Variants in SPIRE2 observed in about 807,000 individuals in gnomAD.
SPIRE2 encodes spire type actin nucleation factor 2, also known as protein spire homolog 2.
A neutral mutation model predicts 80.7 loss-of-function variants in SPIRE2; 76 were observed. The observed-to-expected ratio is 0.94, with a 90% confidence interval of 0.78 to 1.14. The LOEUF (loss-of-function observed/expected upper bound fraction) is 1.14. Ranked by LOEUF, SPIRE2 falls within the 50% of genes most tolerant of loss-of-function variation. The pLI is 0.00. For missense variants in SPIRE2, 1,196 were observed against 1,015.3 expected (o/e 1.18, Z -2.42); for synonymous variants, 535 against 432.6 (o/e 1.24, Z -2.94).
intron 5 of SPIRE2, 40 bp downstream of exon 5, chr16:89,854,691 G>C (rs552321809): frequency 6.3e-7 from 1 of 1,596,168 alleles, no homozygotes; most frequent in Non-Finnish European, 8.5e-7. Flanking sequence ...TGGATGCAGA[G>C]GTCGTGGTGA....
chr16:89,845,355 C>G lies in SPIRE2; in HGVS notation c.278C>G (p.Ser93Trp). ...ACCATGGTCGTGCCACTAGCCAGCT[C>G]GGAAGCCCAGGTACTTTTTAAAAAA... ...PATMVVPLAS[S>W]EAQTVQSLGF... Residue 93 changes from serine to tryptophan, a missense_variant, in exon 2 of 15, where the codon TCG (serine) becomes TGG (tryptophan). Transcript: ENST00000378247. 3 of 1,614,102 alleles carry G rather than the reference C, an allele frequency of 1.9e-6. No individual in the cohort carries two copies. The highest frequency in any genetic ancestry group is 2.5e-6 in the Non-Finnish European group (3 of 1,179,950).
intron 1 of SPIRE2, among the ~76,000 whole-genome samples, chr16:89,843,845 A>G (rs1319765465): frequency 1.4e-5 from 2 of 139,194 alleles, no homozygotes; most frequent in African/African-American, 2.7e-5. Flanking sequence ...GACTACATAT[A>G]TGCACTACCA....
chr16:89,840,456 A>C (rs150274116), intron 1 of SPIRE2, among the ~76,000 whole-genome samples: 1 of 150,184 alleles, frequency 6.7e-6, no homozygotes, highest in Admixed American at 6.7e-5. Context: ...TCACCGTGTT[A>C]GCCAGGATGG....
intron 9 of SPIRE2, among the ~76,000 whole-genome samples, chr16:89,860,132 C>T (rs2041729693): frequency 6.6e-6 from 1 of 152,190 alleles, no homozygotes; most frequent in Non-Finnish European, 1.5e-5. Flanking sequence ...GTCTGGCTCA[C>T]TGCTGCTGTG....
chr16:89,831,399 C>CTT (rs59083711), intron 1 of SPIRE2, among the ~76,000 whole-genome samples: 1,745 of 131,886 alleles, frequency 0.013, 77 homozygotes, highest in Admixed American at 0.021. Context: ...TTCTTTCTTT[C>CTT]TTTTTTTTTT....
intron 13 of SPIRE2, among the ~76,000 whole-genome samples, chr16:89,869,223 T>C (rs1266894187): frequency 6.7e-6 from 1 of 150,354 alleles, no homozygotes; most frequent in Non-Finnish European, 1.5e-5. Flanking sequence ...ATGTGCAGGG[T>C]AAGGTGGCAG....
intron 2 of SPIRE2, among the ~76,000 whole-genome samples, chr16:89,847,352 G>A (rs568562743): frequency 2.6e-5 from 4 of 152,190 alleles, no homozygotes; most frequent in Non-Finnish European, 2.9e-5. Context: ...TCACTGTTGC[G>A]TTGTACACGG....
rs768831657 is a variant in SPIRE2 at position 89,859,249 on chromosome 16, G to A, written c.1357G>A (p.Val453Met). The change falls in exon 9 of 15, where the codon GTG becomes ATG. Residue 453 changes from valine (V) to methionine (M), a missense_variant. By Grantham distance (21) the Val-to-Met change is conservative. Coordinates refer to ENST00000378247, the MANE Select transcript of SPIRE2 (RefSeq NM_032451.2). ...EHDLAQLRSE[V>M]ASGLQSATHP... ...TGACCTGGCCCAGCTCCGAAGTGAG[G>A]TGGCCTCTGGCCTGCAGTCGGCCAC... 6.8e-6 allele frequency: 11 copies of A among 1,608,594 alleles called. No homozygotes were observed. The highest frequency in any genetic ancestry group is 2.2e-5 in the South Asian group (2 of 90,720).
intron 1 of SPIRE2, among the ~76,000 whole-genome samples, chr16:89,834,159 CGGTTGGCCGTCGTAGA>C (rs2041416925): frequency 1.4e-5 from 2 of 144,424 alleles, no homozygotes; most frequent in African/African-American, 2.5e-5. Flanking sequence ...CCTGCGCTCG[CGGTTGGCCGTCGTAGA>C]AGCCTGGATA....
intron 7 of SPIRE2, among the ~76,000 whole-genome samples, chr16:89,856,727 T>A (rs2041695259): frequency 6.6e-6 from 1 of 151,438 alleles, no homozygotes; most frequent in Non-Finnish European, 1.5e-5. Context: ...CCCAAAATGC[T>A]GGCATTACAG....
chr16:89,828,730 G>A lies in SPIRE2; in HGVS notation c.180G>A (p.Arg60=). 8.1e-7 allele frequency: 1 copy of A among 1,241,878 alleles called. No homozygotes were observed. The highest frequency in any genetic ancestry group is 3.1e-5 in the South Asian group (1 of 32,422). 76.9% of individuals were successfully genotyped at this position (1,241,878 alleles called of 1,614,324 possible). Residue 60 remains arginine (R), a synonymous_variant, in exon 1 of 15, where the codon CGG becomes CGA. Coordinates refer to ENST00000378247, the MANE Select transcript of SPIRE2 (RefSeq NM_032451.2). This position sits in a 1 kb window ranked among gnomAD's most constrained non-coding sequence, Gnocchi z 5.9. ...GGGGCTCGCCGGGCCGGCGCCTGCG[G>A]GATACCGGGGACCTCCTGCTGCGCG... is the stretch of plus-strand genomic sequence containing the variant. ...GLRGSPGRRL[R]DTGDLLLRGD... is the part of the protein sequence containing the mutation.
At chr16:89,845,105 C>A (rs773774145) in intron 1 of SPIRE2, among the ~76,000 whole-genome samples, 1 of 152,178 alleles carries the variant, frequency 6.6e-6, no homozygotes, top group Non-Finnish European at 1.5e-5. Context: ...GCTCTCCCGG[C>A]CCCTGTACCT....
At chr16:89,831,455 T>G (rs1374131226) in intron 1 of SPIRE2, among the ~76,000 whole-genome samples, 1 of 148,456 alleles carries the variant, frequency 6.7e-6, no homozygotes, top group Non-Finnish European at 1.5e-5. Flanking sequence ...TGGAGTGCAG[T>G]GGCGCGTTCT....
At chr16:89,860,014 C>A (rs926074972) in intron 9 of SPIRE2, among the ~76,000 whole-genome samples, 1 of 152,220 alleles carries the variant, frequency 6.6e-6, no homozygotes, top group Admixed American at 6.5e-5. Context: ...CTCACACTTA[C>A]TTAACCTCGG....
rs764461887 is a variant in SPIRE2 at position 89,863,645 on chromosome 16, C to T, written c.1710+35C>T. 6.2e-6 allele frequency: 10 copies of T among 1,613,820 alleles called. No homozygotes were observed. Among genetic ancestry groups the T allele is most frequent in the Non-Finnish European group, 7.6e-6 (9 of 1,179,980 alleles). On this transcript the variant is annotated intron_variant, in intron 11 of 14. Transcript: ENST00000378247. The surrounding 1 kb of genome is among the most constrained non-coding windows in gnomAD (Gnocchi z 4.3). ...CCTAGACGTGGGGCTACGCTCTTGC[C>T]CGCTGGGTCAGGGGCGGGTGCCGAG...
Position 89,858,457 on chromosome 16 carries a change from C to A in SPIRE2, c.1222C>A (p.Leu408Met). ...GSAQRPRPRV[L>M]LKAPTLAEME... ...CGCCCAGCGCCCGCGGCCCCGCGTG[C>A]TGCTCAAGGCGCCTACCTTGGCTGA... Residue 408 changes from leucine to methionine, a missense_variant, in exon 8 of 15, where the codon CTG becomes ATG. Transcript: ENST00000378247. The A allele has an allele frequency of 6.2e-7, 1 of 1,609,374 alleles. No individual in the cohort carries two copies. The highest frequency in any genetic ancestry group is 8.5e-7 in the Non-Finnish European group (1 of 1,178,646).
chr16:89,830,845 G>T (rs892060621), intron 1 of SPIRE2, among the ~76,000 whole-genome samples: 1 of 149,088 alleles, frequency 6.7e-6, no homozygotes, highest in African/African-American at 2.4e-5. Context: ...CCAAGATTAG[G>T]AAAAAAATGA....
At chr16:89,839,544 C>T (rs1380809713) in intron 1 of SPIRE2, among the ~76,000 whole-genome samples, 2 of 152,140 alleles carry the variant, frequency 1.3e-5, no homozygotes, top group African/African-American at 4.8e-5. Context: ...TGTGCTGCGT[C>T]CCCCTGTCTG....
intron 13 of SPIRE2, 83 bp downstream of exon 13, chr16:89,868,299 C>G: frequency 7.3e-7 from 1 of 1,365,902 alleles, no homozygotes; most frequent in Non-Finnish European, 1.0e-6. Context: ...TTGGATGATG[C>G]TGCCTCACCA....
Sources: gnomAD v4.1 joint callset for allele counts (sites outside exome capture counted in the v4.1 genomes callset) on GRCh38, gnomAD v4.1.1 for gene constraint, Gnocchi (gnomAD v3.1) non-coding constraint, MANE v1.5 for transcripts, NCBI Gene and HGNC (gene_info 2026-07-23, HGNC 2026-07-21) for gene names.